The following SYTL2 variants were observed in gnomAD, a reference collection of about 807,000 sequenced individuals.
SYTL2 encodes the protein synaptotagmin like 2, also known as synaptotagmin-like protein 2.
Under a neutral mutation model 198.7 loss-of-function variants are expected in SYTL2, and 165 were observed. That is an observed-to-expected ratio of 0.83 (90% CI 0.73 to 0.94). The LOEUF is 0.94. SYTL2 is among the 40% of genes least tolerant of loss of function. SYTL2 has a pLI of 0.00. For missense variants in SYTL2, 2,835 were observed against 2,582.8 expected, an observed-to-expected ratio of 1.10 and a Z score of -2.12; for synonymous variants, 966 against 917.7, an observed-to-expected ratio of 1.05 and a Z score of -0.95.
At chr11:85,720,045 A>C (rs1367638451) in intron 9 of SYTL2, among the ~76,000 whole-genome samples, 2 of 152,136 alleles carry the variant, frequency 1.3e-5, no homozygotes, top group African/African-American at 2.4e-5. Flanking sequence ...TTCTTAGTCC[A>C]TTTGTCTAGC....
intron 1 of SYTL2, among the ~76,000 whole-genome samples, chr11:85,797,946 C>T (rs895712807): frequency 2.0e-5 from 3 of 151,928 alleles, no homozygotes; most frequent in Non-Finnish European, 2.9e-5. Flanking sequence ...CTTTACCTCC[C>T]AGGTTCAAGA....
rs536442169 is a variant in SYTL2 at position 85,807,261 on chromosome 11, G to A, written c.-390+3693C>T. On this transcript the variant is annotated intron_variant, in intron 1 of 19. Coordinates refer to ENST00000359152, the MANE Select transcript of SYTL2 (RefSeq NM_206927.4). ...GATCAATGAGATACTAGCCACCAAGGAAACCTACATTCTTTGAAGAAAACT... is the reference window on the plus strand; with the variant it reads ...GATCAATGAGATACTAGCCACCAAGAAAACCTACATTCTTTGAAGAAAACT... Among the ~76,000 whole-genome samples, 17 of 152,318 alleles carry A rather than the reference G, an allele frequency of 1.1e-4. No individual in the cohort carries two copies. The East Asian group carries it at 3.1e-3, about 28-fold the overall frequency.
chr11:85,835,225 C>T, the SYTL2 span, among the ~76,000 whole-genome samples: 1 of 151,948 alleles, frequency 6.6e-6, no homozygotes, highest in African/African-American at 2.4e-5. Context: ...TTGGAAATTC[C>T]AGCACTGCTT....
chr11:85,697,120 A>C (rs959092433), intron 18 of SYTL2, among the ~76,000 whole-genome samples: 1 of 152,246 alleles, frequency 6.6e-6, no homozygotes, highest in African/African-American at 2.4e-5. Context: ...AGCCAAAAAA[A>C]TCTTACCAGC....
chr11:85,727,033 T>C lies in SYTL2; in HGVS notation c.2325A>G (p.Glu775=). 1 of 1,536,406 alleles carries C rather than the reference T, an allele frequency of 6.5e-7. No homozygotes were observed. The highest frequency in any genetic ancestry group is 8.7e-7 in the Non-Finnish European group (1 of 1,146,930). Residue 775 remains glutamate, a synonymous_variant, in exon 8 of 20, where the codon GAA becomes GAG. Coordinates refer to ENST00000359152, the MANE Select transcript of SYTL2 (RefSeq NM_206927.4). ...CTTGGTTCTTGGGAACCTCACCAGC[T>C]TCTTGCTGGAATTGGACCTCAGGCT... ...WKKPEVQFQQ[E]AGEVPKNQVQ...
rs1263008473 is a variant in SYTL2, at chr11:85,709,420, T to C, written c.5826A>G (p.Glu1942=). 8 of 1,614,024 alleles carry C rather than the reference T, an allele frequency of 5.0e-6. No homozygotes were observed. The highest frequency in any genetic ancestry group is 1.1e-5 in the South Asian group (1 of 91,088). Residue 1942 remains glutamate (E), a synonymous_variant, in exon 14 of 20, where the codon GAA becomes GAG. Transcript: ENST00000359152. ...GCAACTCCTTCAGTGACTCCACATATTCAATTGCAAACTGAATATTTCCTT... is the reference window on the plus strand; with the variant it reads ...GCAACTCCTTCAGTGACTCCACATACTCAATTGCAAACTGAATATTTCCTT... ...EVKGNIQFAI[E]YVESLKELHV...
chr11:85,809,950 T>C (rs946135543), intron 1 of SYTL2, among the ~76,000 whole-genome samples: 1 of 152,190 alleles, frequency 6.6e-6, no homozygotes, highest in Admixed American at 6.5e-5. Flanking sequence ...CTTTCAATCA[T>C]CCTACTCTAT....
rs1401257813 is a variant in SYTL2 at position 85,724,566 on chromosome 11, G to A, written c.4792C>T (p.Gln1598Ter). 1.9e-6 allele frequency: 3 copies of A among 1,613,574 alleles called. No individual in the cohort carries two copies. In the African/African-American group the frequency reaches 4.0e-5, roughly 22 times the overall value. ...REETHEKESS[Q>*]SEQTRFLGTV... ...CCCAAGAACCTGGTCTGCTCTGACT[G>A]TGAGGACTCCTTCTCGTGAGTTTCT... The change falls in exon 8 of 20, where the codon CAG becomes TAG. Residue 1598 changes from glutamine to a stop codon, truncating the protein, a stop_gained. Coordinates refer to ENST00000359152, the MANE Select transcript of SYTL2 (RefSeq NM_206927.4). LOFTEE classifies it high-confidence loss of function.
At chr11:85,818,122 T>A in the SYTL2 span, among the ~76,000 whole-genome samples, 1 of 152,056 alleles carries the variant, frequency 6.6e-6, no homozygotes, top group Non-Finnish European at 1.5e-5. Flanking sequence ...AGACTAGTCT[T>A]GAACTCGTGA....
intron 8 of SYTL2, among the ~76,000 whole-genome samples, chr11:85,722,303 G>C (rs534604317): frequency 6.7e-6 from 1 of 148,914 alleles, no homozygotes; most frequent in Non-Finnish European, 1.5e-5. Flanking sequence ...TCAGCCTCCC[G>C]AGTAGCTGGG....
In SYTL2 at chr11:85,726,706, T is replaced by C; in HGVS notation, c.2652A>G (p.Ile884Met). ...SNKSKETKPQ[I>M]AGPSRYYLSA... ...AAAGATAGTATCTGGATGGACCTGCTATTTGTGGCTTGGTCTCTTTAGATT... is the reference window on the plus strand; with the variant it reads ...AAAGATAGTATCTGGATGGACCTGCCATTTGTGGCTTGGTCTCTTTAGATT... Residue 884 changes from isoleucine to methionine, a missense_variant, in exon 8 of 20, where the codon ATA (isoleucine) becomes ATG (methionine). Transcript: ENST00000359152. 1.3e-6 allele frequency: 2 copies of C among 1,536,288 alleles called. No individual in the cohort carries two copies. The highest frequency in any genetic ancestry group is 1.7e-6 in the Non-Finnish European group (2 of 1,146,930).
chr11:85,816,315 T>G, the SYTL2 span, among the ~76,000 whole-genome samples: 1 of 152,226 alleles, frequency 6.6e-6, no homozygotes. Context: ...TTTAAAAACC[T>G]CTAGGTTTCC....
Position 85,725,693 on chromosome 11 carries a change from C to G in SYTL2, c.3665G>C (p.Gly1222Ala), listed in dbSNP as rs752394159. 3.7e-6 allele frequency: 6 copies of G among 1,614,020 alleles called. No homozygotes were observed. In the Admixed American group the frequency reaches 1.0e-4, roughly 27 times the overall value. The change falls in exon 8 of 20, where the codon GGA becomes GCA. Residue 1222 changes from glycine to alanine, a missense_variant. Around this residue, in one of 3 missense-constraint regions of SYTL2, gnomAD observed 2,645 missense variants for 2,381.7 expected, o/e 1.11. Transcript: ENST00000359152. ...SLDKLLKEAT[G>A]TSPSPLQAKL... ...GGCTTGCAAGGGAGAGGGTGAAGTT[C>G]CAGTTGCTTCCTTCAGGAGTTTGTC...
At chr11:85,762,924 CA>C (rs1373843048) in intron 1 of SYTL2, among the ~76,000 whole-genome samples, 1 of 151,670 alleles carries the variant, frequency 6.6e-6, no homozygotes, top group Non-Finnish European at 1.5e-5. Flanking sequence ...CACTGTCTTG[CA>C]TCTACTAGGC....
chr11:85,757,478 GTC>G (rs996986084), intron 2 of SYTL2, 145 bp downstream of exon 2: 1 of 864,298 alleles, frequency 1.2e-6, no homozygotes, highest in Non-Finnish European at 1.8e-6. Context: ...AAAATGTTTT[GTC>G]CAGGAAGTAA....
chr11:85,833,158 A>AAGGAAGGAAG, the SYTL2 span, among the ~76,000 whole-genome samples: 30 of 82,810 alleles, frequency 3.6e-4, 1 homozygote, highest in East Asian at 1.9e-3. Context: ...AAGGAAGGAA[A>AAGGAAGGAAG]GAAAGAAAGA....
At chr11:85,847,137 A>G in the SYTL2 span, among the ~76,000 whole-genome samples, 5 of 151,934 alleles carry the variant, frequency 3.3e-5, no homozygotes, top group African/African-American at 1.2e-4. Flanking sequence ...AAATCTATAC[A>G]CCCTTGTAAC....
rs147226965 is a variant in SYTL2 at position 85,698,040 on chromosome 11, C to T, written c.6307G>A (p.Val2103Met). 3.7e-6 allele frequency: 6 copies of T among 1,613,700 alleles called. No individual in the cohort carries two copies. In the African/African-American group the frequency reaches 4.0e-5, roughly 11 times the overall value. Residue 2103 changes from valine (V) to methionine (M), a missense_variant, in exon 18 of 20, where the codon GTG becomes ATG. Val to Met is a conservative substitution (Grantham distance 21, BLOSUM62 1). Around this residue, in one of 3 missense-constraint regions of SYTL2, gnomAD observed 185 missense variants for 182.1 expected, o/e 1.02. Coordinates refer to ENST00000359152, the MANE Select transcript of SYTL2 (RefSeq NM_206927.4). The part of the protein sequence containing the change: ...LPTTGEVHIW[V>M]KECLDLPLLR... ...AGTGGTAGATCAAGGCATTCCTTCA[C>T]CCAGATGTGCACTTCTCCAGTTGTA... is the stretch of plus-strand genomic sequence containing the variant.
the SYTL2 span, among the ~76,000 whole-genome samples, chr11:85,835,703 A>G: frequency 3.3e-5 from 5 of 152,136 alleles, no homozygotes; most frequent in Non-Finnish European, 7.4e-5. Context: ...GTCTAGATCT[A>G]CTGCACAACT....
Sources: allele counts gnomAD v4.1 joint callset (sites outside exome capture counted in the v4.1 genomes callset), GRCh38; gene constraint gnomAD v4.1.1; regional missense constraint gnomAD v4.1.1; transcripts MANE v1.5; gene names NCBI Gene and HGNC (gene_info 2026-07-23, HGNC 2026-07-21).